CIMAP2: variants seen among roughly 807,000 people sequenced by gnomAD.
The protein encoded by CIMAP2 is ciliary microtubule associated protein 2, also known as ciliary microtubule-associated protein 2.
chr1:54,813,532 A>C, the CIMAP2 span, among the ~76,000 whole-genome samples: 24 of 152,224 alleles, frequency 1.6e-4, no homozygotes, highest in African/African-American at 5.8e-4. Flanking sequence ...CAAATGAAAG[A>C]AAGAAGAAAT....
At chr1:54,820,009 T>C in the CIMAP2 span, among the ~76,000 whole-genome samples, 18,629 of 121,090 alleles carry the variant, frequency 0.15, 2,045 homozygotes, top group African/African-American at 0.27. Context: ...CTCCCTCTCT[T>C]TTCCTTCTTT....
the CIMAP2 span, chr1:54,807,633 G>A: frequency 5.6e-6 from 9 of 1,610,834 alleles, no homozygotes; most frequent in African/African-American, 1.1e-4. Context: ...AAGCCACGCG[G>A]CTGACCCAGC....
chr1:54,822,864 A>G, the CIMAP2 span, among the ~76,000 whole-genome samples: 3 of 152,058 alleles, frequency 2.0e-5, no homozygotes, highest in Admixed American at 2.0e-4. Flanking sequence ...TTTAATTCCC[A>G]TTTATTCGTA....
At chr1:54,838,969 G>A in the CIMAP2 span, among the ~76,000 whole-genome samples, 1 of 152,176 alleles carries the variant, frequency 6.6e-6, no homozygotes, top group African/African-American at 2.4e-5. Context: ...GATGGGAGAG[G>A]CTGCAAAGTC....
the CIMAP2 span, among the ~76,000 whole-genome samples, chr1:54,820,118 CTT>C: frequency 4.1e-4 from 29 of 70,680 alleles, no homozygotes; most frequent in African/African-American, 5.0e-4. Context: ...CTCTCTCTTT[CTT>C]TCTTTCTTTC....
At chr1:54,814,591 A>C in the CIMAP2 span, among the ~76,000 whole-genome samples, 1 of 152,196 alleles carries the variant, frequency 6.6e-6, no homozygotes, top group African/African-American at 2.4e-5. Context: ...CTGGGATTGG[A>C]ACCCAGCTCA....
the CIMAP2 span, among the ~76,000 whole-genome samples, chr1:54,819,074 G>A: frequency 6.6e-6 from 1 of 152,138 alleles, no homozygotes; most frequent in South Asian, 2.1e-4. Context: ...TGAGTGATTG[G>A]CAGGGGCCCT....
At chr1:54,817,426 G>A in the CIMAP2 span, among the ~76,000 whole-genome samples, 1 of 152,190 alleles carries the variant, frequency 6.6e-6, no homozygotes. Flanking sequence ...GTAAGGAAAA[G>A]GTACTCAATC....
the CIMAP2 span, chr1:54,817,199 CA>C: frequency 6.4e-7 from 1 of 1,570,114 alleles, no homozygotes; most frequent in Non-Finnish European, 8.7e-7. Context: ...GGTGGTTCCC[CA>C]TGTTTGGTTC....
the CIMAP2 span, among the ~76,000 whole-genome samples, chr1:54,841,178 A>G: frequency 1.3e-5 from 2 of 152,216 alleles, no homozygotes; most frequent in African/African-American, 2.4e-5. Flanking sequence ...GGAAATACCA[A>G]TGAAGAAGTG....
the CIMAP2 span, among the ~76,000 whole-genome samples, chr1:54,833,693 A>G: frequency 6.6e-6 from 1 of 152,136 alleles, no homozygotes; most frequent in East Asian, 1.9e-4. Context: ...CCAACTTTCT[A>G]GATCTTCTGG....
the CIMAP2 span, chr1:54,811,765 G>GCCGGGGGGGGGGCCGGCCCCCCCCCC: frequency 7.7e-7 from 1 of 1,301,332 alleles, no homozygotes. Context: ...GGTTCTGACA[G>GCCGGGGGGGGGGCCGGCCCCCCCCCC]CCTCCATGCC....
the CIMAP2 span, among the ~76,000 whole-genome samples, chr1:54,808,179 A>G: frequency 6.6e-6 from 1 of 152,346 alleles, no homozygotes; most frequent in African/African-American, 2.4e-5. Flanking sequence ...GCAGTGACGA[A>G]GACAATGTCC....
At chr1:54,835,420 C>T in the CIMAP2 span, among the ~76,000 whole-genome samples, 1 of 152,034 alleles carries the variant, frequency 6.6e-6, no homozygotes, top group Non-Finnish European at 1.5e-5. Flanking sequence ...AACTCCTGGC[C>T]TCAAGTGATC....
the CIMAP2 span, among the ~76,000 whole-genome samples, chr1:54,834,802 G>C: frequency 6.6e-6 from 1 of 152,176 alleles, no homozygotes; most frequent in South Asian, 2.1e-4. Context: ...GTGAGGTGTG[G>C]CATTTTCCAC....
At chr1:54,828,831 A>G in the CIMAP2 span, among the ~76,000 whole-genome samples, 14 of 152,306 alleles carry the variant, frequency 9.2e-5, no homozygotes, top group East Asian at 1.9e-3. Flanking sequence ...CTGGATGAAA[A>G]GACACGATAT....
the CIMAP2 span, among the ~76,000 whole-genome samples, chr1:54,815,298 C>T: frequency 6.6e-6 from 1 of 152,240 alleles, no homozygotes; most frequent in African/African-American, 2.4e-5. Context: ...GCTTCTGATA[C>T]AGTAGGCCTG....
At chr1:54,811,755 G>A in the CIMAP2 span, 2 of 1,339,236 alleles carry the variant, frequency 1.5e-6, no homozygotes, top group Non-Finnish European at 2.1e-6. Flanking sequence ...CACAAGGAGT[G>A]GTTCTGACAG....
chr1:54,816,870 G>T, the CIMAP2 span: 1 of 1,335,520 alleles, frequency 7.5e-7, no homozygotes. Flanking sequence ...ATCTTTTTGG[G>T]AGACACAATT....
Sources: gnomAD v4.1 joint callset for allele counts (sites outside exome capture counted in the v4.1 genomes callset) on GRCh38, gnomAD v4.1.1 for gene constraint, MANE v1.5 for transcripts, NCBI Gene and HGNC (gene_info 2026-07-23, HGNC 2026-07-21) for gene names.